The following TCF12 variants were observed in gnomAD, a reference collection of about 807,000 sequenced individuals.
TCF12 encodes DNA-binding protein HTF4.
In TCF12, 45 loss-of-function variants were observed where a neutral mutation model predicts 86.0. The ratio of observed to expected loss-of-function variants is 0.52; its 90% CI spans 0.41 to 0.67. TCF12 has a LOEUF of 0.67. Ranked by LOEUF, TCF12 falls within the 30% of genes least tolerant of loss-of-function variation. The pLI is 0.00. For missense variants in TCF12, 881 were observed against 859.9 expected, an observed-to-expected ratio of 1.02 and a Z score of -0.31; for synonymous variants, 330 against 299.6, an observed-to-expected ratio of 1.10 and a Z score of -1.05.
intron 7 of TCF12, among the ~76,000 whole-genome samples, chr15:57,192,946 C>T (rs1307400375): frequency 3.3e-5 from 5 of 152,116 alleles, no homozygotes; most frequent in African/African-American, 1.2e-4. Flanking sequence ...CTCACATGAG[C>T]AACTAAGTAG....
In TCF12 at chr15:57,166,889, T is replaced by C. The variant is rs115743638; in HGVS notation, c.390+423T>C. On this transcript the variant is annotated intron_variant, in intron 6 of 20. Transcript: ENST00000333725. ...TCCTGCATGTAACCAATTTTTAGGC[T>C]TCACACCCTCCCTGACTTGGAATCT... 7.4e-3 allele frequency among the ~76,000 whole-genome samples: 1,131 copies of C among 152,326 alleles called. 15 individuals carry two copies. The highest frequency in any genetic ancestry group is 0.026 in the African/African-American group (1,081 of 41,568).
At chr15:57,044,374 C>A (rs1246301763) in intron 3 of TCF12, among the ~76,000 whole-genome samples, 2 of 151,736 alleles carry the variant, frequency 1.3e-5, no homozygotes, top group African/African-American at 4.8e-5. Flanking sequence ...TAAGACTGGC[C>A]AACATGATGA....
intron 3 of TCF12, among the ~76,000 whole-genome samples, chr15:56,925,811 C>G (rs2059985169): frequency 6.6e-6 from 1 of 151,048 alleles, no homozygotes; most frequent in Non-Finnish European, 1.5e-5. Context: ...GTTGAAATTG[C>G]AAATCTAAAT....
chr15:57,082,219 A>G (rs1197221544), intron 4 of TCF12, among the ~76,000 whole-genome samples: 2 of 152,212 alleles, frequency 1.3e-5, no homozygotes, highest in African/African-American at 2.4e-5. Context: ...ATGCAGTACT[A>G]TTTTAATCAT....
At chr15:57,177,607 C>CAAGAGAGAGAGA (rs1567572655) in intron 6 of TCF12, among the ~76,000 whole-genome samples, 1 of 5,002 alleles carries the variant, frequency 2.0e-4, no homozygotes, top group African/African-American at 4.5e-4. Flanking sequence ...TGTTAAAAGG[C>CAAGAGAGAGAGA]CAGAGAGAGA....
chr15:57,170,705 A>AG lies in TCF12; in HGVS notation c.390+4239_390+4240insG, dbSNP rs1491151079. On this transcript the variant is annotated intron_variant, in intron 6 of 20. Transcript: ENST00000333725. ...ATTATATATAATATATATTATATAT[A>AG]ATATATAATATATATATTATATATT... Among the ~76,000 whole-genome samples, 3 of 36,770 alleles carry AG rather than the reference A, an allele frequency of 8.2e-5. 1 individual carries two copies. Among genetic ancestry groups the AG allele is most frequent in the African/African-American group, 4.3e-4 (2 of 4,662 alleles). The allele number at this position is 36,770 out of a possible 152,430, so 24.1% of individuals were successfully genotyped here.
intron 8 of TCF12, among the ~76,000 whole-genome samples, chr15:57,224,247 G>A (rs748778965): frequency 1.3e-5 from 2 of 151,986 alleles, no homozygotes; most frequent in African/African-American, 2.4e-5. Context: ...TTTAAAGTAG[G>A]TAGGTAACGT....
chr15:57,139,912 T>C (rs2052833954), intron 5 of TCF12, among the ~76,000 whole-genome samples: 1 of 152,198 alleles, frequency 6.6e-6, no homozygotes, highest in African/African-American at 2.4e-5. Context: ...ATTCAGTCAT[T>C]ATCAGTATTA....
intron 3 of TCF12, among the ~76,000 whole-genome samples, chr15:57,039,468 C>T (rs2733174): frequency 0.52 from 79,224 of 151,914 alleles, 21,240 homozygotes; most frequent in African/African-American, 0.62. Context: ...TATTTTCTGA[C>T]CATTTGTGGA....
chr15:57,070,807 C>G (rs1006397120), intron 4 of TCF12, among the ~76,000 whole-genome samples: 1 of 152,154 alleles, frequency 6.6e-6, no homozygotes, highest in Non-Finnish European at 1.5e-5. Context: ...CTGACCTCAG[C>G]AGGGTCATAC....
intron 5 of TCF12, among the ~76,000 whole-genome samples, chr15:57,159,660 A>G (rs2054355761): frequency 6.6e-6 from 1 of 152,228 alleles, no homozygotes; most frequent in South Asian, 2.1e-4. Context: ...CTTTTTTGAA[A>G]CATCCAGGAA....
At chr15:57,191,326 T>C (rs921827391) in intron 6 of TCF12, among the ~76,000 whole-genome samples, 3 of 152,084 alleles carry the variant, frequency 2.0e-5, no homozygotes, top group Non-Finnish European at 4.4e-5. Flanking sequence ...TAGCTGGGTG[T>C]GGTGGCACAT....
chr15:57,203,149 C>T (rs1156395841), intron 8 of TCF12, among the ~76,000 whole-genome samples: 1 of 152,188 alleles, frequency 6.6e-6, no homozygotes, highest in Non-Finnish European at 1.5e-5. Flanking sequence ...AAAGCATTCA[C>T]TTGCAGAAAA....
intron 6 of TCF12, among the ~76,000 whole-genome samples, chr15:57,184,144 C>CAA (rs567127840): frequency 7.2e-6 from 1 of 139,478 alleles, no homozygotes. Flanking sequence ...GATTAGCAGC[C>CAA]AAAAAAAAAA....
intron 4 of TCF12, among the ~76,000 whole-genome samples, chr15:57,066,859 A>G (rs1016981246): frequency 6.6e-6 from 1 of 152,198 alleles, no homozygotes; most frequent in Non-Finnish European, 1.5e-5. Context: ...ACAAAGTCAT[A>G]TTGATTGAAC....
chr15:57,066,236 T>C (rs1376793607), intron 4 of TCF12, among the ~76,000 whole-genome samples: 1 of 152,176 alleles, frequency 6.6e-6, no homozygotes, highest in East Asian at 1.9e-4. Context: ...ATTTCTTTCA[T>C]AATCATAAGC....
At chr15:57,210,672 G>A (rs1364882812) in intron 8 of TCF12, among the ~76,000 whole-genome samples, 2 of 152,060 alleles carry the variant, frequency 1.3e-5, no homozygotes, top group Admixed American at 1.3e-4. Context: ...AATACAGTTT[G>A]AACCTTTTTT....
intron 8 of TCF12, among the ~76,000 whole-genome samples, chr15:57,222,339 T>C (rs568724568): frequency 6.6e-6 from 1 of 152,020 alleles, no homozygotes; most frequent in East Asian, 1.9e-4. Flanking sequence ...TTATATTTTA[T>C]TACCTAAAAT....
At chr15:57,141,576 C>T (rs1051150474) in intron 5 of TCF12, among the ~76,000 whole-genome samples, 35 of 152,156 alleles carry the variant, frequency 2.3e-4, no homozygotes, top group Non-Finnish European at 4.4e-5. Context: ...CTCAAACTCC[C>T]GACCTCACGT....
Sources: gnomAD v4.1 joint callset for allele counts (sites outside exome capture counted in the v4.1 genomes callset) on GRCh38, gnomAD v4.1.1 for gene constraint, MANE v1.5 for transcripts, NCBI Gene and HGNC (gene_info 2026-07-23, HGNC 2026-07-21) for gene names.